The following QTMAN variants were observed in gnomAD, a reference collection of about 807,000 sequenced individuals.
QTMAN encodes tRNA-queuosine alpha-mannosyltransferase.
chr2:144,142,132 T>C, the QTMAN span: 1 of 975,738 alleles, frequency 1.0e-6, no homozygotes, highest in Non-Finnish European at 1.6e-6. Context: ...AAGACCTCTA[T>C]GGATTAATCA....
the QTMAN span, among the ~76,000 whole-genome samples, chr2:144,324,602 A>G: frequency 4.6e-5 from 7 of 152,292 alleles, no homozygotes; most frequent in Non-Finnish European, 8.8e-5. Context: ...TATATTTAAG[A>G]AGGCCTCAGG....
At chr2:144,188,613 T>C in the QTMAN span, among the ~76,000 whole-genome samples, 2 of 152,020 alleles carry the variant, frequency 1.3e-5, no homozygotes, top group Non-Finnish European at 2.9e-5. Flanking sequence ...AAGGCATGGA[T>C]AGGGATTGAG....
At chr2:143,987,711 A>G in the QTMAN span, among the ~76,000 whole-genome samples, 1 of 152,218 alleles carries the variant, frequency 6.6e-6, no homozygotes, top group Non-Finnish European at 1.5e-5. Flanking sequence ...GGGCAAGGAT[A>G]TTGTATAGTC....
At chr2:143,991,559 T>A in the QTMAN span, among the ~76,000 whole-genome samples, 1 of 129,114 alleles carries the variant, frequency 7.7e-6, no homozygotes, top group Non-Finnish European at 1.6e-5. Context: ...GGGAGGGAGG[T>A]GGGGGGGTCA....
chr2:144,161,001 T>C, the QTMAN span, among the ~76,000 whole-genome samples: 26 of 152,120 alleles, frequency 1.7e-4, no homozygotes, highest in South Asian at 4.2e-4. Flanking sequence ...CCCAAGAAAA[T>C]GCTGGAAATC....
At chr2:144,306,149 C>A in the QTMAN span, among the ~76,000 whole-genome samples, 1 of 152,200 alleles carries the variant, frequency 6.6e-6, no homozygotes, top group South Asian at 2.1e-4. Flanking sequence ...GTGGTTTTTA[C>A]ATAGATGCCC....
At chr2:144,062,766 T>G in the QTMAN span, among the ~76,000 whole-genome samples, 5 of 152,326 alleles carry the variant, frequency 3.3e-5, no homozygotes, top group African/African-American at 1.2e-4. Flanking sequence ...TTGAGATAGG[T>G]AGAGATCAGT....
the QTMAN span, among the ~76,000 whole-genome samples, chr2:144,167,123 T>A: frequency 6.6e-6 from 1 of 152,222 alleles, no homozygotes; most frequent in African/African-American, 2.4e-5. Context: ...CATTCCCTTT[T>A]CCATGCAAAA....
chr2:144,160,431 A>G, the QTMAN span, among the ~76,000 whole-genome samples: 1 of 152,174 alleles, frequency 6.6e-6, no homozygotes, highest in African/African-American at 2.4e-5. Flanking sequence ...CATCAGTTGT[A>G]CAAATAAGAA....
chr2:144,153,825 G>GA, the QTMAN span, among the ~76,000 whole-genome samples: 2 of 152,148 alleles, frequency 1.3e-5, no homozygotes, highest in Admixed American at 1.3e-4. Context: ...AAGGAAGATA[G>GA]AAAACCACGT....
chr2:144,127,883 C>T, the QTMAN span: 1 of 152,034 alleles, frequency 6.6e-6, no homozygotes, highest in Non-Finnish European at 1.5e-5. Flanking sequence ...CATTATAACA[C>T]ATGAAACTCT....
chr2:144,108,082 T>C, the QTMAN span, among the ~76,000 whole-genome samples: 3 of 152,094 alleles, frequency 2.0e-5, no homozygotes, highest in Admixed American at 2.0e-4. Context: ...TCTCGATAAA[T>C]TAGGTATTGA....
the QTMAN span, among the ~76,000 whole-genome samples, chr2:144,174,456 T>G: frequency 1.3e-5 from 2 of 152,332 alleles, no homozygotes; most frequent in African/African-American, 2.4e-5. Context: ...CCATTTTTTT[T>G]GTCTGTTTCA....
the QTMAN span, among the ~76,000 whole-genome samples, chr2:143,973,122 T>G: frequency 3.3e-5 from 5 of 151,406 alleles, no homozygotes; most frequent in Admixed American, 6.6e-5. Flanking sequence ...AGTAAGTGGG[T>G]TTTTTTTTCT....
chr2:144,094,651 C>T, the QTMAN span, among the ~76,000 whole-genome samples: 11 of 152,284 alleles, frequency 7.2e-5, no homozygotes, highest in Non-Finnish European at 1.2e-4. Flanking sequence ...AAACCACCCC[C>T]GTGATTCAAT....
At chr2:144,021,719 AAG>A in the QTMAN span, among the ~76,000 whole-genome samples, 1 of 152,244 alleles carries the variant, frequency 6.6e-6, no homozygotes, top group Non-Finnish European at 1.5e-5. Context: ...GGAAAAAATG[AAG>A]AGTTATTTGG....
the QTMAN span, chr2:143,941,776 G>C: frequency 6.6e-6 from 1 of 151,952 alleles, no homozygotes; most frequent in Non-Finnish European, 1.5e-5. Flanking sequence ...ACTGTCCTTT[G>C]CTGTCTCCTG....
chr2:144,250,205 G>A, the QTMAN span, among the ~76,000 whole-genome samples: 1 of 149,800 alleles, frequency 6.7e-6, no homozygotes, highest in African/African-American at 2.5e-5. Context: ...GAGCCATATT[G>A]GTATCTTGGC....
the QTMAN span, among the ~76,000 whole-genome samples, chr2:144,224,426 AC>A: frequency 2.0e-5 from 3 of 152,332 alleles, no homozygotes; most frequent in East Asian, 3.9e-4. Flanking sequence ...AAATTAGGTA[AC>A]AAAGCAAATG....
Sources: gnomAD v4.1 joint callset for allele counts (sites outside exome capture counted in the v4.1 genomes callset) on GRCh38, gnomAD v4.1.1 for gene constraint, MANE v1.5 for transcripts, NCBI Gene and HGNC (gene_info 2026-07-23, HGNC 2026-07-21) for gene names.